Variants in SUGCT observed in about 807,000 individuals in gnomAD.
SUGCT encodes succinyl-CoA:glutarate-CoA transferase, also known as succinyl-CoA:glutarate CoA-transferase.
A neutral mutation model predicts 55.0 loss-of-function variants in SUGCT; 41 were observed. The observed-to-expected ratio is 0.74, with a 90% CI of 0.58 to 0.97. The LOEUF is 0.97. Ranked by LOEUF, SUGCT falls within the 50% of genes least tolerant of loss-of-function variation. SUGCT has a pLI of 0.00. For synonymous variants in SUGCT, 187 were observed against 200.4 expected, an observed-to-expected ratio of 0.93 and a Z score of 0.56; for missense variants, 568 against 547.8, an observed-to-expected ratio of 1.04 and a Z score of -0.37.
At chr7:40,919,473 C>G in the SUGCT span, among the ~76,000 whole-genome samples, 3 of 152,188 alleles carry the variant, frequency 2.0e-5, no homozygotes, top group Admixed American at 6.5e-5. Flanking sequence ...ACGGGGGGTT[C>G]TTAATATATT....
chr7:40,576,481 G>A (rs929574942), intron 12 of SUGCT, among the ~76,000 whole-genome samples: 1 of 152,166 alleles, frequency 6.6e-6, no homozygotes, highest in Non-Finnish European at 1.5e-5. Context: ...TGAGAGCAGG[G>A]AACATGTGAG....
intron 9 of SUGCT, among the ~76,000 whole-genome samples, chr7:40,447,062 C>T (rs947899309): frequency 1.3e-5 from 2 of 152,168 alleles, no homozygotes; most frequent in African/African-American, 4.8e-5. Context: ...GGAACATTTT[C>T]ATTACCCTGA....
chr7:41,031,779 C>T, the SUGCT span, among the ~76,000 whole-genome samples: 1 of 152,176 alleles, frequency 6.6e-6, no homozygotes, highest in African/African-American at 2.4e-5. Context: ...CTCTGAGCAC[C>T]CTCCCTAACC....
chr7:40,645,396 CG>C (rs1800452392), intron 12 of SUGCT, among the ~76,000 whole-genome samples: 1 of 152,056 alleles, frequency 6.6e-6, no homozygotes, highest in Non-Finnish European at 1.5e-5. Context: ...TACAAAGGGC[CG>C]GGGACTAAGT....
chr7:40,167,628 C>G lies in SUGCT; in HGVS notation c.101-13319C>G, dbSNP rs539571588. On this transcript the variant is annotated intron_variant, in intron 1 of 13. Coordinates refer to ENST00000335693, the MANE Select transcript of SUGCT (RefSeq NM_001193313.2). ...TATACCTCTATTATAAGCTGTGGGT[C>G]ACGGAAGAGAACTGTGGAACCCAGT... 1.4e-4 allele frequency among the ~76,000 whole-genome samples: 22 copies of G among 152,192 alleles called. No homozygotes were observed. In the South Asian group the frequency reaches 3.7e-3, roughly 26 times the overall value.
chr7:40,439,532 A>G (rs865803116), intron 9 of SUGCT, among the ~76,000 whole-genome samples: 1 of 152,154 alleles, frequency 6.6e-6, no homozygotes. Flanking sequence ...TAGCTGAGAG[A>G]TGATAGAGAA....
chr7:40,600,765 A>G (rs2151752708), intron 12 of SUGCT, among the ~76,000 whole-genome samples: 1 of 151,962 alleles, frequency 6.6e-6, no homozygotes, highest in South Asian at 2.1e-4. Flanking sequence ...TTGGATTCAA[A>G]TGAATAAGCA....
At chr7:40,729,984 G>A (rs1562967950) in intron 12 of SUGCT, among the ~76,000 whole-genome samples, 1 of 152,196 alleles carries the variant, frequency 6.6e-6, no homozygotes, top group Non-Finnish European at 1.5e-5. Flanking sequence ...TGCAAGCCAG[G>A]GAAAATATAA....
intron 10 of SUGCT, among the ~76,000 whole-genome samples, chr7:40,451,363 A>G (rs1018831268): frequency 2.0e-5 from 3 of 152,180 alleles, no homozygotes; most frequent in Non-Finnish European, 4.4e-5. Flanking sequence ...ACACTTTTGA[A>G]CTTCCTCATA....
chr7:40,849,145 A>G (rs916254863), intron 13 of SUGCT, among the ~76,000 whole-genome samples: 3 of 152,220 alleles, frequency 2.0e-5, no homozygotes, highest in African/African-American at 7.2e-5. Context: ...AATGTTTGTT[A>G]TAACAAACAT....
At chr7:40,957,878 C>G in the SUGCT span, among the ~76,000 whole-genome samples, 4 of 152,068 alleles carry the variant, frequency 2.6e-5, no homozygotes, top group African/African-American at 9.7e-5. Context: ...AATCCCTCAG[C>G]ATTAACTTGT....
the SUGCT span, among the ~76,000 whole-genome samples, chr7:41,016,614 A>T: frequency 2.6e-5 from 4 of 152,234 alleles, no homozygotes; most frequent in African/African-American, 9.6e-5. Flanking sequence ...CAATCCCAGC[A>T]CCCAGCAATA....
chr7:40,611,589 T>C (rs57544160), intron 12 of SUGCT, among the ~76,000 whole-genome samples: 3,205 of 152,308 alleles, frequency 0.021, 107 homozygotes, highest in African/African-American at 0.07. Context: ...TCACAAGATA[T>C]ACTGAGTTAG....
intron 8 of SUGCT, among the ~76,000 whole-genome samples, chr7:40,282,529 T>G (rs1162432664): frequency 6.6e-6 from 1 of 151,522 alleles, no homozygotes; most frequent in Non-Finnish European, 1.5e-5. Context: ...AAAAACCAAC[T>G]GGATATTCAG....
intron 9 of SUGCT, among the ~76,000 whole-genome samples, chr7:40,391,683 G>T (rs1169701122): frequency 6.6e-6 from 1 of 152,174 alleles, no homozygotes; most frequent in South Asian, 2.1e-4. Flanking sequence ...TACACTGTTG[G>T]TGGGACTGTA....
At chr7:40,166,095 C>G (rs1433375240) in intron 1 of SUGCT, among the ~76,000 whole-genome samples, 7 of 152,176 alleles carry the variant, frequency 4.6e-5, no homozygotes, top group Non-Finnish European at 1.0e-4. Context: ...GCACTCCAGC[C>G]TGGGTGACAG....
intron 12 of SUGCT, among the ~76,000 whole-genome samples, chr7:40,517,239 T>C (rs971482548): frequency 3.3e-5 from 5 of 150,444 alleles, no homozygotes; most frequent in African/African-American, 7.4e-5. Context: ...TTTTTTTTTT[T>C]CGATGTGAAT....
chr7:40,872,999 G>A, the SUGCT span, among the ~76,000 whole-genome samples: 49 of 152,270 alleles, frequency 3.2e-4, no homozygotes, highest in African/African-American at 1.1e-3. Flanking sequence ...CAGCCTCAGC[G>A]GAACCCGGCT....
At position 40,860,429 on chromosome 7, in the gene SUGCT, A is replaced by G; in HGVS notation, c.1267A>G (p.Ile423Val). The G allele has an allele frequency of 1.2e-6, 2 of 1,613,994 alleles. No individual in the cohort carries two copies. Among genetic ancestry groups the G allele is most frequent in the South Asian group, 1.1e-5 (1 of 91,080 alleles). The change falls in exon 14 of 14, where the codon ATC becomes GTC. Residue 423 changes from isoleucine (I) to valine (V), a missense_variant. Transcript: ENST00000335693. The stretch of plus-strand genomic sequence containing the variant: ...GGTCCTGAGATACGATGACAGGGCC[A>G]TCGGGGAGCTGCTCAGCGCTGGAGT... ...KEVLRYDDRAIGELLSAGVVD... is the reference protein window; with the variant it reads ...KEVLRYDDRAVGELLSAGVVD...
Sources: gnomAD v4.1 joint callset for allele counts (sites outside exome capture counted in the v4.1 genomes callset) on GRCh38, gnomAD v4.1.1 for gene constraint, MANE v1.5 for transcripts, NCBI Gene and HGNC (gene_info 2026-07-23, HGNC 2026-07-21) for gene names.